The following TMEFF2 variants were observed in gnomAD, a reference collection of about 807,000 sequenced individuals.
TMEFF2 encodes the protein tomoregulin-2.
A neutral mutation model predicts 53.8 loss-of-function variants in TMEFF2; 28 were observed. That is an observed-to-expected ratio of 0.52 (90% CI 0.39 to 0.71). TMEFF2 has a LOEUF of 0.71. Ranked by LOEUF, TMEFF2 falls within the 30% of genes least tolerant of loss-of-function variation. The probability of loss-of-function intolerance (pLI) is 0.00; values close to 1 mark genes in which losing one functional copy is unlikely to be tolerated. For synonymous variants in TMEFF2, 162 were observed against 166.3 expected (o/e 0.97, Z 0.20); for missense variants, 353 against 455.2 (o/e 0.78, Z 2.04).
At chr2:192,110,661 C>CA (rs1279419605) in intron 4 of TMEFF2, among the ~76,000 whole-genome samples, 1 of 152,072 alleles carries the variant, frequency 6.6e-6, no homozygotes, top group Non-Finnish European at 1.5e-5. Flanking sequence ...CTCTTTGTAC[C>CA]ATTAATTTTT....
chr2:192,189,385 A>G (rs1691403761), intron 2 of TMEFF2, among the ~76,000 whole-genome samples: 1 of 151,604 alleles, frequency 6.6e-6, no homozygotes, highest in South Asian at 2.1e-4. Flanking sequence ...GTCTACTAAA[A>G]TTCAAAAAAA....
chr2:191,959,791 T>A (rs1692218760), intron 7 of TMEFF2, among the ~76,000 whole-genome samples: 1 of 152,206 alleles, frequency 6.6e-6, no homozygotes, highest in Admixed American at 6.5e-5. Context: ...AAAAAGAGAA[T>A]GTTTTCCTTT....
chr2:191,997,349 A>AT (rs1480326692), intron 7 of TMEFF2, among the ~76,000 whole-genome samples: 1 of 151,840 alleles, frequency 6.6e-6, no homozygotes, highest in African/African-American at 2.4e-5. Flanking sequence ...ATATTAACTA[A>AT]TTTTTTAAAT....
chr2:192,058,041 CA>C (rs1276231278), intron 4 of TMEFF2, among the ~76,000 whole-genome samples: 1 of 152,156 alleles, frequency 6.6e-6, no homozygotes, highest in Non-Finnish European at 1.5e-5. Flanking sequence ...TTGGATTCAT[CA>C]AAATTATTTG....
chr2:191,993,842 T>C (rs557465888), intron 7 of TMEFF2, among the ~76,000 whole-genome samples: 75 of 152,238 alleles, frequency 4.9e-4, no homozygotes, highest in African/African-American at 1.8e-3. Context: ...GTAAAAATCA[T>C]TGTTGAAGAT....
Position 191,999,031 on chromosome 2 carries a change from T to G in TMEFF2, c.685+29A>C, listed in dbSNP as rs550413420. ...TTTTGCACAAAGACTAAAATCATTC[T>G]TTGAAATGAATTTTGGTATGAACAT... On this transcript the variant is annotated intron_variant, in intron 6 of 9. Coordinates refer to ENST00000272771, the MANE Select transcript of TMEFF2 (RefSeq NM_016192.4). The G allele has an allele frequency of 7.6e-6, 12 of 1,570,692 alleles. No homozygotes were observed. In the South Asian group the frequency reaches 1.3e-4, roughly 17 times the overall value.
At chr2:192,169,449 A>G (rs2106021641) in intron 4 of TMEFF2, among the ~76,000 whole-genome samples, 1 of 152,248 alleles carries the variant, frequency 6.6e-6, no homozygotes, top group African/African-American at 2.4e-5. Context: ...GTGAATGGAG[A>G]GCCAGGAACT....
At chr2:192,052,728 G>C (rs1687803322) in intron 5 of TMEFF2, among the ~76,000 whole-genome samples, 1 of 152,042 alleles carries the variant, frequency 6.6e-6, no homozygotes, top group South Asian at 2.1e-4. Context: ...TTTCAGTCTG[G>C]ATATAAAGAG....
intron 7 of TMEFF2, among the ~76,000 whole-genome samples, chr2:191,972,975 A>T (rs1411699335): frequency 6.6e-6 from 1 of 152,202 alleles, no homozygotes; most frequent in Non-Finnish European, 1.5e-5. Context: ...TAATAGTAAG[A>T]TAATGTATGA....
At chr2:192,086,321 G>A (rs749541217) in intron 4 of TMEFF2, among the ~76,000 whole-genome samples, 7 of 152,048 alleles carry the variant, frequency 4.6e-5, no homozygotes, top group Non-Finnish European at 8.8e-5. Context: ...AATAATATGC[G>A]TAAAGATAAC....
intron 5 of TMEFF2, among the ~76,000 whole-genome samples, chr2:192,002,290 G>A (rs2105839807): frequency 6.6e-6 from 1 of 152,080 alleles, no homozygotes; most frequent in Non-Finnish European, 1.5e-5. Flanking sequence ...AGTTTCCCTG[G>A]GATATAAGCT....
At chr2:192,167,559 C>T (rs934758729) in intron 4 of TMEFF2, among the ~76,000 whole-genome samples, 1 of 152,054 alleles carries the variant, frequency 6.6e-6, no homozygotes, top group Non-Finnish European at 1.5e-5. Flanking sequence ...TGTTATTTTG[C>T]ATAGAAAAGT....
intron 4 of TMEFF2, among the ~76,000 whole-genome samples, chr2:192,069,389 C>T (rs1461455562): frequency 1.3e-5 from 2 of 151,306 alleles, no homozygotes; most frequent in African/African-American, 4.8e-5. Flanking sequence ...CATTTTAAAT[C>T]ATCACACACA....
chr2:191,990,951 T>C lies in TMEFF2; in HGVS notation c.745+7311A>G, dbSNP rs182336025. On this transcript the variant is annotated intron_variant, in intron 7 of 9. Coordinates refer to ENST00000272771, the MANE Select transcript of TMEFF2 (RefSeq NM_016192.4). ...TAAGTGATTGACTTTGAAGGTTACA[T>C]TGAGGAAAGCATATGATATCATCAT... Among the ~76,000 whole-genome samples, 28 of 152,120 alleles carry C rather than the reference T, an allele frequency of 1.8e-4. 1 individual carries two copies. The highest frequency in any genetic ancestry group is 1.3e-3 in the Admixed American group (20 of 15,238).
chr2:192,125,662 A>G (rs1409334669), intron 4 of TMEFF2, among the ~76,000 whole-genome samples: 1 of 152,252 alleles, frequency 6.6e-6, no homozygotes, highest in Admixed American at 6.5e-5. Flanking sequence ...AAAATGTGGT[A>G]CATAAGCACC....
At chr2:192,085,709 G>GA (rs3053715) in intron 4 of TMEFF2, among the ~76,000 whole-genome samples, 17,403 of 142,088 alleles carry the variant, frequency 0.12, 1,236 homozygotes, top group African/African-American at 0.21. Flanking sequence ...ATAGAAGCAG[G>GA]AAAAAAAAAA....
At chr2:191,987,658 AG>A (rs1686011787) in intron 7 of TMEFF2, among the ~76,000 whole-genome samples, 1 of 152,162 alleles carries the variant, frequency 6.6e-6, no homozygotes, top group African/African-American at 2.4e-5. Context: ...ATGAGAAAAC[AG>A]GTTCTGAGAA....
intron 5 of TMEFF2, among the ~76,000 whole-genome samples, chr2:192,000,457 C>T (rs543982910): frequency 1.3e-5 from 2 of 152,230 alleles, no homozygotes; most frequent in South Asian, 4.1e-4. Flanking sequence ...AAAACCCAAC[C>T]CCCTCTCTCT....
In TMEFF2 at chr2:192,075,299, AT is replaced by A. The variant is rs1559114983; in HGVS notation, c.440-17525del. On this transcript the variant is annotated intron_variant, in intron 4 of 9. Transcript: ENST00000272771. ...GTACAGTACTATTATATATATATAT[AT>A]ATATATATATATATATATATATATA... 4.6e-3 allele frequency among the ~76,000 whole-genome samples: 188 copies of A among 41,074 alleles called. 5 individuals are homozygous for A. The highest frequency in any genetic ancestry group is 7.7e-3 in the Non-Finnish European group (140 of 18,070). 26.9% of individuals were successfully genotyped at this position (41,074 alleles called of 152,430 possible). A position where few individuals can be genotyped will look rare whatever the true frequency, so the allele number is the denominator to read the frequency against.
Sources: gnomAD v4.1 joint callset for allele counts (sites outside exome capture counted in the v4.1 genomes callset) on GRCh38, gnomAD v4.1.1 for gene constraint, MANE v1.5 for transcripts, NCBI Gene and HGNC (gene_info 2026-07-23, HGNC 2026-07-21) for gene names.